CLASRP: variants seen among roughly 807,000 people sequenced by gnomAD.
CLASRP encodes the protein CLK4 associating serine/arginine rich protein.
A neutral mutation model predicts 99.9 loss-of-function variants in CLASRP; 52 were observed. That is an observed-to-expected ratio of 0.52 (90% CI 0.42 to 0.66). The LOEUF (loss-of-function observed/expected upper bound fraction) is 0.66, where lower values mean the gene tolerates loss of function less well. Ranked by LOEUF, CLASRP falls within the 30% of genes least tolerant of loss-of-function variation. The pLI is 0.00. For missense variants in CLASRP, 848 were observed against 999.2 expected (o/e 0.85, Z 2.04); for synonymous variants, 379 against 373.0 (o/e 1.02, Z -0.18).
At chr19:45,058,910 A>C (rs1972172390) in intron 7 of CLASRP, among the ~76,000 whole-genome samples, 2 of 147,632 alleles carry the variant, frequency 1.4e-5, no homozygotes, top group African/African-American at 2.5e-5. Context: ...CCCTCCATCC[A>C]CCCATCCCTC....
intron 6 of CLASRP, 140 bp downstream of exon 6, chr19:45,056,674 A>T: frequency 1.4e-6 from 1 of 705,802 alleles, no homozygotes; most frequent in South Asian, 1.7e-5. Context: ...GTGCTCAATT[A>T]ATAACTGTGT....
Position 45,064,571 on chromosome 19 carries a change from A to C in CLASRP, c.1350A>C (p.Gly450=). The change falls in exon 13 of 21, where the codon GGA becomes GGC. Residue 450 remains glycine (G), a synonymous_variant. Coordinates refer to ENST00000221455, the MANE Select transcript of CLASRP (RefSeq NM_007056.3). ...RRHSGGGSRD[G]HRYSRSPARR... ...ACTCAGGTGGGGGCTCCCGAGACGG[A>C]CACCGGTACTCCCGCTCGCCCGCCC... 6.5e-7 allele frequency: 1 copy of C among 1,541,358 alleles called. No homozygotes were observed. The highest frequency in any genetic ancestry group is 2.4e-5 in the East Asian group (1 of 41,092).
At position 45,059,287 on chromosome 19, in the gene CLASRP, T is replaced by G. The variant is rs766201052; in HGVS notation, c.633T>G (p.Asp211Glu). Residue 211 changes from aspartate (D) to glutamate (E), a missense_variant, in exon 8 of 21, where the codon GAT becomes GAG. Coordinates refer to ENST00000221455, the MANE Select transcript of CLASRP (RefSeq NM_007056.3). ...IPDIDVEVDV[D>E]ELNQEQVADL... Reference sequence around the variant, plus strand: ...GTGCAGACGTGGAGGTGGACGTGGATGAATTGAACCAGGAGCAGGTGGCAG... The same window carrying G: ...GTGCAGACGTGGAGGTGGACGTGGAGGAATTGAACCAGGAGCAGGTGGCAG... 6.2e-7 allele frequency: 1 copy of G among 1,610,846 alleles called. No homozygotes were observed. Among genetic ancestry groups the G allele is most frequent in the Non-Finnish European group, 8.5e-7 (1 of 1,178,512 alleles).
chr19:45,054,397 A>G lies in CLASRP; in HGVS notation c.379+1220A>G, dbSNP rs141234772. On this transcript the variant is annotated intron_variant, in intron 5 of 20. Coordinates refer to ENST00000221455, the MANE Select transcript of CLASRP (RefSeq NM_007056.3). ...CCCAAGTAGCTGGGATTACCGGCGC[A>G]TGCCACCATGCCCGGCTAAGTTTTG... Among the ~76,000 whole-genome samples, 1,361 of 152,282 alleles carry G rather than the reference A, an allele frequency of 8.9e-3. 6 individuals are homozygous for G. The highest frequency in any genetic ancestry group is 0.018 in the South Asian group (85 of 4,830).
chr19:45,040,756 G>A (rs771477311), intron 2 of CLASRP: 7 of 161,592 alleles, frequency 4.3e-5, no homozygotes, highest in South Asian at 1.5e-4. Context: ...CTGAGGTCAC[G>A]AGTTCGAGAC....
intron 11 of CLASRP, among the ~76,000 whole-genome samples, chr19:45,062,602 C>G (rs937276611): frequency 2.0e-5 from 3 of 152,174 alleles, no homozygotes; most frequent in Admixed American, 1.3e-4. Flanking sequence ...AGGATGGTCT[C>G]AATCTCCTGA....
Position 45,064,593 on chromosome 19 carries a change from GC to G in CLASRP, c.1375del (p.Arg459GlyfsTer50). 6.5e-7 allele frequency: 1 copy of G among 1,547,084 alleles called. No homozygotes were observed. The highest frequency in any genetic ancestry group is 8.7e-7 in the Non-Finnish European group (1 of 1,151,722). On this transcript the variant is annotated frameshift_variant, in exon 13 of 21. Coordinates refer to ENST00000221455, the MANE Select transcript of CLASRP (RefSeq NM_007056.3). LOFTEE classifies it high-confidence loss of function. ...CGGACACCGGTACTCCCGCTCGCCC[GC>G]CCGGCGTGGTGGTTACGGGCCCCGG... ...RDGHRYSRSP[A>X]RRGGYGPRRR...
At chr19:45,069,308 C>G (rs574682438) in intron 18 of CLASRP, 60 bp downstream of exon 18, 1 of 1,554,366 alleles carries the variant, frequency 6.4e-7, no homozygotes, top group East Asian at 2.2e-5. Flanking sequence ...GGCCTTCCCA[C>G]CATGGGCTGC....
chr19:45,064,481 C>CTCCTGG lies in CLASRP; in HGVS notation c.1264_1269dup (p.Trp422_Ser423dup), dbSNP rs1307227773. 3 of 1,530,140 alleles carry CTCCTGG rather than the reference C, an allele frequency of 2.0e-6. No homozygotes were observed. Among genetic ancestry groups the CTCCTGG allele is most frequent in the Non-Finnish European group, 2.6e-6 (3 of 1,140,850 alleles). 94.8% of individuals were successfully genotyped at this position (1,530,140 alleles called of 1,614,324 possible). A position where few individuals can be genotyped will look rare whatever the true frequency, so the allele number is the denominator to read the frequency against. On this transcript the variant is annotated inframe_insertion, in exon 13 of 21. Coordinates refer to ENST00000221455, the MANE Select transcript of CLASRP (RefSeq NM_007056.3). The stretch of plus-strand genomic sequence containing the variant: ...GCCGCCACGCCCGCTCCCGGTCCCG[C>CTCCTGG]TCCTGGTCCCGCTCCCGCTCCCGCT...
rs745561616 is a variant in CLASRP, at chr19:45,064,487, GTCCCGCTCCCGC to G, written c.1278_1289del (p.Ser427_Arg430del). 23 of 1,533,858 alleles carry G rather than the reference GTCCCGCTCCCGC, an allele frequency of 1.5e-5. No individual in the cohort carries two copies. Among genetic ancestry groups the G allele is most frequent in the East Asian group, 2.5e-5 (1 of 40,736 alleles). ...ACGCCCGCTCCCGGTCCCGCTCCTG[GTCCCGCTCCCGC>G]TCCCGCTCCCGGCGCTATTCCCGGT... On this transcript the variant is annotated inframe_deletion, in exon 13 of 21. Coordinates refer to ENST00000221455, the MANE Select transcript of CLASRP (RefSeq NM_007056.3).
chr19:45,067,635 G>C lies in CLASRP; in HGVS notation c.1667+41G>C, dbSNP rs1306392244. 6.6e-7 allele frequency: 1 copy of C among 1,516,696 alleles called. No homozygotes were observed. Among genetic ancestry groups the C allele is most frequent in the Non-Finnish European group, 8.9e-7 (1 of 1,120,270 alleles). 94.0% of individuals were successfully genotyped at this position (1,516,696 alleles called of 1,614,324 possible). The stretch of plus-strand genomic sequence containing the variant: ...CTGGAGGAAGAGGGCTGCCAATCTC[G>C]GGTGGGGAGGGTGAACATCACTGTT... On this transcript the variant is annotated intron_variant, in intron 14 of 20. Coordinates refer to ENST00000221455, the MANE Select transcript of CLASRP (RefSeq NM_007056.3). This position sits in a 1 kb window ranked among gnomAD's most constrained non-coding sequence, Gnocchi z 4.9.
chr19:45,067,639 G>C lies in CLASRP; in HGVS notation c.1667+45G>C. 6.6e-7 allele frequency: 1 copy of C among 1,518,130 alleles called. No individual in the cohort carries two copies. Among genetic ancestry groups the C allele is most frequent in the East Asian group, 2.3e-5 (1 of 43,882 alleles). The allele number at this position is 1,518,130 out of a possible 1,614,324, so 94.0% of individuals were successfully genotyped here. The stretch of plus-strand genomic sequence containing the variant: ...AGGAAGAGGGCTGCCAATCTCGGGT[G>C]GGGAGGGTGAACATCACTGTTTTCT... On this transcript the variant is annotated intron_variant, in intron 14 of 20. Coordinates refer to ENST00000221455, the MANE Select transcript of CLASRP (RefSeq NM_007056.3). The surrounding 1 kb of genome is among the most constrained non-coding windows in gnomAD (Gnocchi z 4.9).
In CLASRP at chr19:45,061,785, T is replaced by TATCATC. The variant is rs553847506; in HGVS notation, c.864-348_864-343dup. On this transcript the variant is annotated intron_variant, in intron 10 of 20. Transcript: ENST00000221455. The stretch of plus-strand genomic sequence containing the variant: ...CACCGCACCCAGCCTATTTTAATCT[T>TATCATC]ATCATCATCATCATCATCATCATCA... Among the ~76,000 whole-genome samples, 48 of 151,474 alleles carry TATCATC rather than the reference T, an allele frequency of 3.2e-4. 1 individual carries two copies. The highest frequency in any genetic ancestry group is 1.9e-4 in the East Asian group (1 of 5,158).
At chr19:45,070,588 T>G in intron 20 of CLASRP, 27 bp downstream of exon 20, 5 of 1,605,126 alleles carry the variant, frequency 3.1e-6, no homozygotes, top group Non-Finnish European at 4.3e-6. Flanking sequence ...CCCTCCACTT[T>G]CTTGGAAGTA....
In CLASRP at chr19:45,052,870, A is replaced by G. The variant is rs766032837; in HGVS notation, c.277A>G (p.Thr93Ala). 3.1e-6 allele frequency: 5 copies of G among 1,607,638 alleles called. No homozygotes were observed. The Admixed American group carries it at 8.5e-5, about 27-fold the overall frequency. The part of the protein sequence containing the change: ...RAHLDHIPDY[T>A]PPLLTTISPE... ...CCACCTGGACCACATCCCCGACTACACCCCCCCTCTGCTCACCACCATGTA... is the reference window on the plus strand; with the variant it reads ...CCACCTGGACCACATCCCCGACTACGCCCCCCCTCTGCTCACCACCATGTA... The change falls in exon 4 of 21, where the codon ACC becomes GCC. Residue 93 changes from threonine (T) to alanine (A), a missense_variant. Physicochemically the swap from Thr to Ala is moderately conservative, Grantham distance 58. Around this residue, in one of 8 missense-constraint regions of CLASRP, gnomAD observed 54 missense variants for 38.7 expected, o/e 1.39. Transcript: ENST00000221455.
Position 45,070,830 on chromosome 19 carries a change from C to T in CLASRP, c.2010C>T (p.Pro670=), listed in dbSNP as rs1458995782. The T allele has an allele frequency of 6.2e-7, 1 of 1,610,314 alleles. No homozygotes were observed. The highest frequency in any genetic ancestry group is 8.5e-7 in the Non-Finnish European group (1 of 1,177,596). The change falls in exon 21 of 21, where the codon CCC becomes CCT. Residue 670 remains proline (P), a synonymous_variant. Transcript: ENST00000221455. ...GCTCAAGGTCCCGATCCCGAAGCCC[C>T]CATTACCGACATTAGGCAGAAGAGT... ...RRRSRSRSRS[P]HYRH
intron 15 of CLASRP, 70 bp downstream of exon 15, chr19:45,068,124 G>C: frequency 6.8e-7 from 1 of 1,464,106 alleles, no homozygotes; most frequent in Admixed American, 1.7e-5. Flanking sequence ...GGGCCCGGTG[G>C]GCCTGCAGGG....
intron 5 of CLASRP, among the ~76,000 whole-genome samples, chr19:45,054,925 G>A (rs1356772068): frequency 6.6e-6 from 1 of 152,174 alleles, no homozygotes; most frequent in Non-Finnish European, 1.5e-5. Flanking sequence ...TAAGATAGAT[G>A]CTTTTTTGAT....
intron 13 of CLASRP, 60 bp downstream of exon 13, chr19:45,064,690 G>C: frequency 6.8e-7 from 1 of 1,480,746 alleles, no homozygotes. Flanking sequence ...CCGATCCTGG[G>C]GAGAAGGTGC....
Sources: gnomAD v4.1 joint callset for allele counts (sites outside exome capture counted in the v4.1 genomes callset) on GRCh38, gnomAD v4.1.1 for gene constraint, gnomAD v4.1.1 regional missense constraint, Gnocchi (gnomAD v3.1) non-coding constraint, MANE v1.5 for transcripts, NCBI Gene and HGNC (gene_info 2026-07-23, HGNC 2026-07-21) for gene names.